Variants in SPEF2 observed in about 807,000 individuals in gnomAD.
SPEF2 encodes the protein sperm flagella and cilia-associated protein 2.
SPEF2 carries 187 observed loss-of-function variants against 224.6 expected under a neutral mutation model. The ratio of observed to expected loss-of-function variants is 0.83; its 90% CI spans 0.74 to 0.94. The LOEUF is 0.94. Ranked by LOEUF, SPEF2 falls within the 40% of genes least tolerant of loss-of-function variation. The pLI is 0.00. For synonymous variants in SPEF2, 715 were observed against 707.3 expected (o/e 1.01, Z -0.17); for missense variants, 2,170 against 2,135.6 (o/e 1.02, Z -0.32).
At chr5:35,626,126 A>G (rs1561090365) in intron 1 of SPEF2, among the ~76,000 whole-genome samples, 1 of 152,220 alleles carries the variant, frequency 6.6e-6, no homozygotes, top group Non-Finnish European at 1.5e-5. Context: ...GCTGAGTTAT[A>G]GAGCTCAGGT....
chr5:35,807,069 A>AT (rs1366202495), intron 35 of SPEF2, 62 bp from the exon 36 acceptor site: 97 of 1,568,496 alleles, frequency 6.2e-5, no homozygotes, highest in South Asian at 1.3e-4. Context: ...AAATACAACC[A>AT]TTTTTTTTAA....
chr5:35,798,927 T>G (rs1271322175), intron 33 of SPEF2, among the ~76,000 whole-genome samples: 1 of 152,160 alleles, frequency 6.6e-6, no homozygotes, highest in Admixed American at 6.5e-5. Flanking sequence ...TTATTTAAAT[T>G]TTTGTTGGAT....
In SPEF2 at chr5:35,806,877, G is replaced by A. The variant is rs372408058; in HGVS notation, c.5181G>A (p.Val1727=). ...TGTCCATGGAAACACTACTCAAAGT[G>A]TTCAAAGGGGGAAGTGAAGCACAGG... is the stretch of plus-strand genomic sequence containing the variant. ...EKMSMETLLK[V]FKGGSEAQDS... is the part of the protein sequence containing the mutation. The change falls in exon 35 of 37, where the codon GTG becomes GTA. Residue 1727 remains valine, a synonymous_variant. Transcript: ENST00000356031. The A allele has an allele frequency of 4.0e-5, 65 of 1,613,990 alleles. No individual in the cohort carries two copies. Among genetic ancestry groups the A allele is most frequent in the Admixed American group, 6.7e-5 (4 of 59,996 alleles).
intron 10 of SPEF2, among the ~76,000 whole-genome samples, chr5:35,683,178 A>G (rs979087134): frequency 6.6e-6 from 1 of 152,168 alleles, no homozygotes; most frequent in Admixed American, 6.5e-5. Context: ...CAGGATATAG[A>G]GAGGCATGTG....
intron 10 of SPEF2, among the ~76,000 whole-genome samples, chr5:35,686,821 T>G (rs1352601213): frequency 6.6e-6 from 1 of 152,114 alleles, no homozygotes; most frequent in Admixed American, 6.6e-5. Context: ...TTTTTCTGAT[T>G]ACATATTTTA....
At position 35,800,086 on chromosome 5, in the gene SPEF2, G is replaced by T. The variant is rs372941053; in HGVS notation, c.4949G>T (p.Ser1650Ile). ...DTVEGVYRALSVAVGTHVFQQ... is the reference protein window; with the variant it reads ...DTVEGVYRALIVAVGTHVFQQ... ...GTGGAAGGAGTCTACAGGGCCCTCA[G>T]TGTGGCTGTTGGAACTCATGTCTTC... The change falls in exon 34 of 37, where the codon AGT (serine) becomes ATT (isoleucine). Residue 1650 changes from serine (S) to isoleucine (I), a missense_variant. Ser to Ile is a moderately radical substitution (Grantham distance 142, BLOSUM62 -2). Coordinates refer to ENST00000356031, the MANE Select transcript of SPEF2 (RefSeq NM_024867.4). 243 of 1,613,990 alleles carry T rather than the reference G, an allele frequency of 1.5e-4. No homozygotes were observed. The highest frequency in any genetic ancestry group is 2.0e-4 in the Non-Finnish European group (235 of 1,180,024).
chr5:35,779,405 G>T, intron 30 of SPEF2, 59 bp downstream of exon 30: 1 of 1,321,286 alleles, frequency 7.6e-7, no homozygotes, highest in East Asian at 2.3e-5. Flanking sequence ...AACCAGGACA[G>T]AAATCACTTG....
chr5:35,683,685 C>A (rs980048874), intron 10 of SPEF2, among the ~76,000 whole-genome samples: 2 of 152,172 alleles, frequency 1.3e-5, no homozygotes, highest in African/African-American at 4.8e-5. Context: ...TGACCACGGG[C>A]AGAGTCTATT....
At chr5:35,724,064 A>G (rs1371329245) in intron 20 of SPEF2, among the ~76,000 whole-genome samples, 1 of 152,216 alleles carries the variant, frequency 6.6e-6, no homozygotes, top group Non-Finnish European at 1.5e-5. Context: ...TACATATATA[A>G]TCTCATTAAG....
chr5:35,795,551 T>G, intron 32 of SPEF2, 152 bp from the exon 33 acceptor site: 1 of 568,206 alleles, frequency 1.8e-6, no homozygotes, highest in South Asian at 2.6e-5. Context: ...AAATGGAAGT[T>G]CTAGTATTTT....
At chr5:35,729,344 A>G (rs1040299913) in intron 21 of SPEF2, among the ~76,000 whole-genome samples, 3 of 152,180 alleles carry the variant, frequency 2.0e-5, no homozygotes, top group African/African-American at 7.2e-5. Context: ...GAACTTCTGC[A>G]CTTAGAGGGC....
intron 21 of SPEF2, among the ~76,000 whole-genome samples, chr5:35,731,967 A>C (rs996130030): frequency 6.6e-6 from 1 of 152,212 alleles, no homozygotes; most frequent in Non-Finnish European, 1.5e-5. Context: ...AAATGCCTAA[A>C]TACTTAAGAA....
chr5:35,783,269 A>G (rs1003291779), intron 30 of SPEF2, among the ~76,000 whole-genome samples: 2 of 152,196 alleles, frequency 1.3e-5, no homozygotes, highest in African/African-American at 4.8e-5. Flanking sequence ...GCTAGAGTCA[A>G]ACAGTTCTTT....
chr5:35,691,209 G>A lies in SPEF2; in HGVS notation c.1697G>A (p.Gly566Glu). Residue 566 changes from glycine (G) to glutamate (E), a missense_variant, in exon 11 of 37, where the codon GGG (glycine) becomes GAG (glutamate). Gly to Glu is a moderately conservative substitution (Grantham distance 98). Transcript: ENST00000356031. The part of the protein sequence containing the change: ...PSFAVKGCLL[G>E]KTLSGKTTIL... ...TTTGCTGTTAAAGGATGCTTATTGG[G>A]GAAAACATTAAGTGGAAAAACTACC... The A allele has an allele frequency of 6.2e-7, 1 of 1,613,944 alleles. No individual in the cohort carries two copies. Among genetic ancestry groups the A allele is most frequent in the Non-Finnish European group, 8.5e-7 (1 of 1,179,920 alleles).
chr5:35,723,161 G>A (rs1457215049), intron 20 of SPEF2, among the ~76,000 whole-genome samples: 1 of 152,076 alleles, frequency 6.6e-6, no homozygotes, highest in East Asian at 1.9e-4. Flanking sequence ...TGAGCAGGCT[G>A]GTCCAGGGAC....
rs761425661 is a variant in SPEF2 at position 35,795,751 on chromosome 5, C to G, written c.4786C>G (p.Pro1596Ala). 4 of 1,613,904 alleles carry G rather than the reference C, an allele frequency of 2.5e-6. No individual in the cohort carries two copies. In the East Asian group the frequency reaches 8.9e-5, roughly 36 times the overall value. ...TGAAGATATAAAAATTCCAGAAAAT[C>G]CTCTTGAACCCCTTCCATTTAATAG... is the stretch of plus-strand genomic sequence containing the variant. ...GDEDIKIPEN[P>A]LEPLPFNRQE... Residue 1596 changes from proline (P) to alanine (A), a missense_variant, in exon 33 of 37, where the codon CCT becomes GCT. By Grantham distance (27) the Pro-to-Ala change is conservative. Coordinates refer to ENST00000356031, the MANE Select transcript of SPEF2 (RefSeq NM_024867.4).
chr5:35,807,567 C>A, intron 36 of SPEF2: 3 of 1,355,772 alleles, frequency 2.2e-6, no homozygotes, highest in Non-Finnish European at 3.0e-6. Context: ...ATTCCTCCTG[C>A]CAAAGAGAAC....
chr5:35,668,321 A>G (rs781579801), intron 9 of SPEF2, among the ~76,000 whole-genome samples: 1 of 152,212 alleles, frequency 6.6e-6, no homozygotes, highest in Non-Finnish European at 1.5e-5. Flanking sequence ...GCTGAGAAAT[A>G]TAAAATAATA....
rs1344146623 is a variant in SPEF2, at chr5:35,697,849, A to G, written c.2141+56A>G. Reference sequence around the variant, plus strand: ...ATTTAATATATTCTTTATCACACAAAGATGTATAAAGAATAATACGGATTT... The same window carrying G: ...ATTTAATATATTCTTTATCACACAAGGATGTATAAAGAATAATACGGATTT... On this transcript the variant is annotated intron_variant, in intron 15 of 36. Transcript: ENST00000356031. 3.2e-6 allele frequency: 4 copies of G among 1,260,280 alleles called. No individual in the cohort carries two copies. In the Admixed American group the frequency reaches 5.7e-5, roughly 18 times the overall value. 78.1% of individuals were successfully genotyped at this position (1,260,280 alleles called of 1,614,324 possible).
Sources: allele counts gnomAD v4.1 joint callset (sites outside exome capture counted in the v4.1 genomes callset), GRCh38; gene constraint gnomAD v4.1.1; transcripts MANE v1.5; gene names NCBI Gene and HGNC (gene_info 2026-07-23, HGNC 2026-07-21).